The following IQGAP2 variants were observed in gnomAD, a reference collection of about 807,000 sequenced individuals.
The protein encoded by IQGAP2 is IQ motif containing GTPase activating protein 2.
In IQGAP2, 173 loss-of-function variants were observed where a neutral mutation model predicts 201.3. The ratio of observed to expected loss-of-function variants is 0.86; its 90% confidence interval spans 0.76 to 0.98. The LOEUF (loss-of-function observed/expected upper bound fraction) is 0.98, where lower values mean the gene tolerates loss of function less well. Among genes scored for constraint, IQGAP2 ranks in the 50% least tolerant of loss-of-function variants. The pLI is 0.00. For missense variants in IQGAP2, 1,687 were observed against 1,864.8 expected, an observed-to-expected ratio of 0.90 and a Z score of 1.76; for synonymous variants, 675 against 673.9, an observed-to-expected ratio of 1.00 and a Z score of -0.03.
intron 32 of IQGAP2, 68 bp downstream of exon 32, chr5:76,695,734 G>C: frequency 7.8e-7 from 1 of 1,283,674 alleles, no homozygotes; most frequent in Admixed American, 1.8e-5. Flanking sequence ...TCAAGTGCTG[G>C]GCACTCTGTG....
intron 2 of IQGAP2, among the ~76,000 whole-genome samples, chr5:76,470,355 C>T (rs1755035704): frequency 2.6e-5 from 4 of 152,112 alleles, no homozygotes; most frequent in Admixed American, 2.0e-4. Flanking sequence ...AGGAGTTTTC[C>T]ACAAGGGGTT....
At chr5:76,496,750 TTTC>T (rs1561416385) in intron 2 of IQGAP2, among the ~76,000 whole-genome samples, 905 of 65,542 alleles carry the variant, frequency 0.014, 37 homozygotes, top group African/African-American at 0.055. Flanking sequence ...TCTTTCTTTC[TTTC>T]TTTCTTTCTT....
intron 30 of IQGAP2, among the ~76,000 whole-genome samples, chr5:76,692,313 A>G (rs1473475334): frequency 2.0e-5 from 3 of 152,144 alleles, no homozygotes; most frequent in Non-Finnish European, 4.4e-5. Flanking sequence ...CACCATGCCC[A>G]GCTAATTTTT....
intron 2 of IQGAP2, among the ~76,000 whole-genome samples, chr5:76,542,218 C>T (rs1189780970): frequency 6.6e-6 from 1 of 152,226 alleles, no homozygotes; most frequent in Non-Finnish European, 1.5e-5. Flanking sequence ...GCCTTGGCCT[C>T]CCAAAGTGTT....
At chr5:76,434,904 G>C (rs1011618239) in intron 1 of IQGAP2, among the ~76,000 whole-genome samples, 1 of 152,122 alleles carries the variant, frequency 6.6e-6, no homozygotes, top group African/African-American at 2.4e-5. Flanking sequence ...ATTTTGGCTG[G>C]AGTAAGGTGG....
intron 13 of IQGAP2, 41 bp downstream of exon 13, chr5:76,611,224 T>C: frequency 6.6e-7 from 1 of 1,522,076 alleles, no homozygotes; most frequent in South Asian, 1.2e-5. Flanking sequence ...TTTTACAGGC[T>C]GGGTGGCAGA....
rs76210033 is a variant in IQGAP2 at position 76,421,157 on chromosome 5, A to T, written c.46+17566A>T. On this transcript the variant is annotated intron_variant, in intron 1 of 35. Coordinates refer to ENST00000274364, the MANE Select transcript of IQGAP2 (RefSeq NM_006633.5). ...GGAATTGTATACCTATCACTTTTTA[A>T]TGGAGTGAATTGAAGAACACTTCAA... is the stretch of plus-strand genomic sequence containing the variant. Among the ~76,000 whole-genome samples, 78 of 152,316 alleles carry T rather than the reference A, an allele frequency of 5.1e-4. No individual in the cohort carries two copies. The East Asian group carries it at 0.014, about 27-fold the overall frequency.
chr5:76,572,646 C>A (rs1727071026), intron 4 of IQGAP2, among the ~76,000 whole-genome samples: 1 of 152,066 alleles, frequency 6.6e-6, no homozygotes, highest in South Asian at 2.1e-4. Flanking sequence ...ACATGTTGGC[C>A]AGGCTGGTCT....
intron 1 of IQGAP2, among the ~76,000 whole-genome samples, chr5:76,429,852 G>A (rs1180155405): frequency 2.1e-5 from 2 of 95,108 alleles, no homozygotes; most frequent in Non-Finnish European, 4.2e-5. Flanking sequence ...GAATGAAAAG[G>A]AGACACAGAC....
At chr5:76,596,730 G>A (rs1000652617) in intron 9 of IQGAP2, among the ~76,000 whole-genome samples, 3 of 152,274 alleles carry the variant, frequency 2.0e-5, no homozygotes, top group South Asian at 2.1e-4. Context: ...ACCGTATCTC[G>A]TGAGAACTCA....
At chr5:76,441,666 T>G in intron 1 of IQGAP2, 1 of 221,510 alleles carries the variant, frequency 4.5e-6, no homozygotes, top group Non-Finnish European at 7.6e-6. Context: ...TTAATACCTG[T>G]TACTTTTCTA....
At chr5:76,572,213 ATTTTTTTTTTT>A (rs907882473) in intron 4 of IQGAP2, among the ~76,000 whole-genome samples, 1 of 132,816 alleles carries the variant, frequency 7.5e-6, no homozygotes, top group African/African-American at 2.8e-5. Flanking sequence ...ATGTACAGCT[ATTTTTTTTTTT>A]TTTTTTTGAG....
intron 19 of IQGAP2, 61 bp from the exon 20 acceptor site, chr5:76,654,873 T>C (rs754459595): frequency 2.7e-6 from 3 of 1,096,696 alleles, no homozygotes; most frequent in Non-Finnish European, 4.2e-6. Context: ...ATGTTCTAAA[T>C]TCAAAAATGA....
intron 3 of IQGAP2, among the ~76,000 whole-genome samples, chr5:76,564,276 CA>C (rs1272960113): frequency 6.6e-6 from 1 of 152,190 alleles, no homozygotes; most frequent in Non-Finnish European, 1.5e-5. Flanking sequence ...TTTTAGACTA[CA>C]GCTTGTCTTT....
chr5:76,547,517 G>A (rs1054413133), intron 2 of IQGAP2: 11 of 514,604 alleles, frequency 2.1e-5, no homozygotes, highest in Non-Finnish European at 2.5e-5. Context: ...GGGCAAAGAC[G>A]TGTTAAAAGT....
chr5:76,553,957 C>T (rs1410875525), intron 2 of IQGAP2, among the ~76,000 whole-genome samples: 1 of 152,166 alleles, frequency 6.6e-6, no homozygotes, highest in East Asian at 1.9e-4. Context: ...CATGAAGTAT[C>T]TCTAACTTGA....
At chr5:76,667,718 C>G (rs1003331505) in intron 22 of IQGAP2, among the ~76,000 whole-genome samples, 5 of 152,138 alleles carry the variant, frequency 3.3e-5, no homozygotes, top group Non-Finnish European at 7.3e-5. Flanking sequence ...CCTCACTCCC[C>G]CTTCTCACTC....
chr5:76,503,545 G>A (rs1757414400), intron 2 of IQGAP2, among the ~76,000 whole-genome samples: 2 of 151,246 alleles, frequency 1.3e-5, no homozygotes, highest in South Asian at 4.2e-4. Context: ...ACCTTCCTGT[G>A]TTTGTGGAGT....
intron 1 of IQGAP2, among the ~76,000 whole-genome samples, chr5:76,422,234 CTG>C (rs1465758567): frequency 1.3e-5 from 2 of 152,170 alleles, no homozygotes; most frequent in Non-Finnish European, 2.9e-5. Context: ...TCTAGCATAA[CTG>C]TGGCCTTAAA....
Sources: allele counts gnomAD v4.1 joint callset (sites outside exome capture counted in the v4.1 genomes callset), GRCh38; gene constraint gnomAD v4.1.1; transcripts MANE v1.5; gene names NCBI Gene and HGNC (gene_info 2026-07-23, HGNC 2026-07-21).